The following NTNG1 variants were observed in gnomAD, a reference collection of about 807,000 sequenced individuals.
NTNG1 encodes netrin-G1.
In NTNG1, 16 loss-of-function variants were observed where a neutral mutation model predicts 54.0. That is an observed-to-expected ratio of 0.30 (90% CI 0.20 to 0.45). NTNG1 has a LOEUF of 0.45. Among genes scored for constraint, NTNG1 ranks in the 20% least tolerant of loss-of-function variants. The pLI, the probability that NTNG1 is intolerant of heterozygous loss-of-function variation, is 1.00. For missense variants in NTNG1, 530 were observed against 678.7 expected, an observed-to-expected ratio of 0.78 and a Z score of 2.43; for synonymous variants, 255 against 263.1, an observed-to-expected ratio of 0.97 and a Z score of 0.30.
chr1:107,298,035 T>A (rs537070674), intron 2 of NTNG1, among the ~76,000 whole-genome samples: 1 of 152,140 alleles, frequency 6.6e-6, no homozygotes, highest in African/African-American at 2.4e-5. Context: ...ACTGAGAAAA[T>A]GAAATCATGG....
intron 7 of NTNG1, among the ~76,000 whole-genome samples, chr1:107,438,404 T>C (rs571948429): frequency 1.3e-5 from 2 of 152,256 alleles, no homozygotes; most frequent in East Asian, 3.9e-4. Context: ...TTCCAGAAAG[T>C]GCTAGTCCTT....
At chr1:107,177,613 G>A (rs531937998) in intron 2 of NTNG1, among the ~76,000 whole-genome samples, 3 of 152,206 alleles carry the variant, frequency 2.0e-5, no homozygotes, top group South Asian at 4.2e-4. Context: ...GATTACAGGC[G>A]TGAACCACCG....
chr1:107,336,839 A>T (rs1668608218), intron 3 of NTNG1, among the ~76,000 whole-genome samples: 1 of 152,062 alleles, frequency 6.6e-6, no homozygotes, highest in Admixed American at 6.6e-5. Flanking sequence ...CAAAGAAGAT[A>T]TATAAAAATG....
intron 7 of NTNG1, among the ~76,000 whole-genome samples, chr1:107,463,671 C>T (rs985335061): frequency 5.3e-5 from 8 of 151,946 alleles, no homozygotes; most frequent in Non-Finnish European, 1.2e-4. Flanking sequence ...TTTTTGTCAG[C>T]AAATTATTGA....
intron 2 of NTNG1, among the ~76,000 whole-genome samples, chr1:107,256,841 A>C (rs1430754330): frequency 1.3e-5 from 2 of 152,258 alleles, no homozygotes; most frequent in Non-Finnish European, 2.9e-5. Context: ...CTGTCCAATT[A>C]GTATCAAATT....
At chr1:107,345,617 C>G (rs923984375) in intron 3 of NTNG1, among the ~76,000 whole-genome samples, 9 of 152,132 alleles carry the variant, frequency 5.9e-5, no homozygotes, top group African/African-American at 1.9e-4. Flanking sequence ...AAAAACCCAC[C>G]TGCAGGCTGA....
At chr1:107,405,226 T>C (rs1557971793) in intron 4 of NTNG1, among the ~76,000 whole-genome samples, 1 of 152,174 alleles carries the variant, frequency 6.6e-6, no homozygotes, top group Non-Finnish European at 1.5e-5. Context: ...AATAATGATA[T>C]TTTAAAATAT....
intron 2 of NTNG1, among the ~76,000 whole-genome samples, chr1:107,192,492 C>A (rs1658035154): frequency 6.6e-6 from 1 of 152,038 alleles, no homozygotes; most frequent in Admixed American, 6.6e-5. Context: ...ACAATCTCAA[C>A]TGTTAGCCCC....
intron 2 of NTNG1, among the ~76,000 whole-genome samples, chr1:107,284,896 T>C (rs1665092886): frequency 6.6e-6 from 1 of 152,122 alleles, no homozygotes; most frequent in Admixed American, 6.6e-5. Context: ...TGTTGATAGA[T>C]TGATTAGTCC....
At position 107,151,609 on chromosome 1, in the gene NTNG1, G is replaced by A. The variant is rs116415845; in HGVS notation, c.246+2770G>A. 2.4e-3 allele frequency among the ~76,000 whole-genome samples: 364 copies of A among 152,214 alleles called. 1 individual carries two copies. The highest frequency in any genetic ancestry group is 8.4e-3 in the African/African-American group (348 of 41,526). The stretch of plus-strand genomic sequence containing the variant: ...TGTGGCTATAGCTGTTCTGAGCATC[G>A]AGGGAACATGTGCTGAGAGAAATAC... On this transcript the variant is annotated intron_variant, in intron 2 of 7. Coordinates refer to ENST00000370068, the MANE Select transcript of NTNG1 (RefSeq NM_001113226.3).
intron 2 of NTNG1, among the ~76,000 whole-genome samples, chr1:107,192,511 G>A (rs1345199191): frequency 6.6e-6 from 1 of 151,992 alleles, no homozygotes; most frequent in African/African-American, 2.4e-5. Context: ...CCAAATGCCA[G>A]TATCTGGAGA....
chr1:107,438,110 T>C (rs1240274945), intron 7 of NTNG1, among the ~76,000 whole-genome samples: 1 of 149,138 alleles, frequency 6.7e-6, no homozygotes, highest in Non-Finnish European at 1.5e-5. Context: ...TTATAGAATG[T>C]TCTATCTGTT....
chr1:107,190,610 T>A (rs999606825), intron 2 of NTNG1, among the ~76,000 whole-genome samples: 1 of 152,098 alleles, frequency 6.6e-6, no homozygotes, highest in Non-Finnish European at 1.5e-5. Context: ...CGGTGTGTGA[T>A]GTTCCCCTTC....
intron 5 of NTNG1, 188 bp downstream of exon 5, chr1:107,407,896 G>A (rs375777741): frequency 5.4e-6 from 4 of 744,162 alleles, no homozygotes; most frequent in African/African-American, 5.1e-5. Context: ...GTGATTATTT[G>A]TGCATAACTC....
At chr1:107,450,328 T>A (rs1676548095) in intron 7 of NTNG1, among the ~76,000 whole-genome samples, 1 of 152,112 alleles carries the variant, frequency 6.6e-6, no homozygotes, top group Non-Finnish European at 1.5e-5. Context: ...CCTCAGTTTG[T>A]GCATGTAAAA....
At position 107,302,094 on chromosome 1, in the gene NTNG1, C is replaced by T. The variant is rs147903362; in HGVS notation, c.247-22188C>T. 6.1e-4 allele frequency among the ~76,000 whole-genome samples: 93 copies of T among 152,290 alleles called. 1 individual carries two copies. Among genetic ancestry groups the T allele is most frequent in the African/African-American group, 1.6e-3 (66 of 41,576 alleles). On this transcript the variant is annotated intron_variant, in intron 2 of 7. Transcript: ENST00000370068. Reference sequence around the variant, plus strand: ...ACTTTCCCTTATTTCCTAGGACCAACGTCCACCCCTTTGTACTCAGAACCT... The same window carrying T: ...ACTTTCCCTTATTTCCTAGGACCAATGTCCACCCCTTTGTACTCAGAACCT...
chr1:107,280,669 C>T (rs1359177592), intron 2 of NTNG1, among the ~76,000 whole-genome samples: 1 of 150,030 alleles, frequency 6.7e-6, no homozygotes. Flanking sequence ...GAATGAGAAG[C>T]CTAATTCAGA....
chr1:107,275,475 G>A (rs1248026207), intron 2 of NTNG1, among the ~76,000 whole-genome samples: 2 of 152,234 alleles, frequency 1.3e-5, no homozygotes, highest in Non-Finnish European at 2.9e-5. Context: ...AAGATCTGCA[G>A]TTGGCAAGCT....
intron 4 of NTNG1, among the ~76,000 whole-genome samples, chr1:107,398,546 A>T (rs143709371): frequency 6.6e-6 from 1 of 152,236 alleles, no homozygotes; most frequent in African/African-American, 2.4e-5. Context: ...TCTAAAATAT[A>T]GCCACCCCAG....
Sources: allele counts gnomAD v4.1 joint callset (sites outside exome capture counted in the v4.1 genomes callset), GRCh38; gene constraint gnomAD v4.1.1; transcripts MANE v1.5; gene names NCBI Gene and HGNC (gene_info 2026-07-23, HGNC 2026-07-21).